STK32B: variants seen among roughly 807,000 people sequenced by gnomAD.
STK32B encodes serine/threonine kinase 32B, also known as serine/threonine-protein kinase 32B.
Under a neutral mutation model 52.6 loss-of-function variants are expected in STK32B, and 43 were observed. The observed-to-expected ratio is 0.82, with a 90% CI of 0.64 to 1.05. STK32B has a LOEUF of 1.05. STK32B is among the 50% of genes least tolerant of loss of function. The pLI is 0.00. For synonymous variants in STK32B, 238 were observed against 204.3 expected (o/e 1.17, Z -1.41); for missense variants, 621 against 534.6 (o/e 1.16, Z -1.59).
chr4:5,362,089 G>A (rs1734581979), intron 4 of STK32B, among the ~76,000 whole-genome samples: 1 of 152,084 alleles, frequency 6.6e-6, no homozygotes, highest in South Asian at 2.1e-4. Flanking sequence ...TAATGTATGA[G>A]AGACTTCATC....
At chr4:5,264,576 G>C (rs754359146) in intron 3 of STK32B, among the ~76,000 whole-genome samples, 7 of 151,944 alleles carry the variant, frequency 4.6e-5, no homozygotes, top group Admixed American at 1.3e-4. Context: ...CACGAGGTCG[G>C]GGGATCGAGA....
At chr4:5,384,029 G>A (rs1736094447) in intron 4 of STK32B, among the ~76,000 whole-genome samples, 1 of 152,174 alleles carries the variant, frequency 6.6e-6, no homozygotes, top group African/African-American at 2.4e-5. Context: ...GAGGGGTCCT[G>A]TGCACATCTA....
intron 3 of STK32B, among the ~76,000 whole-genome samples, chr4:5,277,568 AAAATCTCTTTTC>A (rs1237012325): frequency 1.3e-5 from 2 of 152,196 alleles, no homozygotes; most frequent in African/African-American, 4.8e-5. Flanking sequence ...ACATGCGGAT[AAAATCTCTTTTC>A]ACCTGCCTAC....
At chr4:5,193,358 C>G (rs986048524) in intron 3 of STK32B, among the ~76,000 whole-genome samples, 1 of 152,190 alleles carries the variant, frequency 6.6e-6, no homozygotes, top group Non-Finnish European at 1.5e-5. Context: ...GAACCGGTAC[C>G]TCAGCTTAGT....
Position 5,114,140 on chromosome 4 carries a change from AC to A in STK32B, c.53-25760del, listed in dbSNP as rs200599903. ...CCTCATCAGCATCATGTCTTCAACC[AC>A]CCCCATTCTCTCCAGGCCAGTCCCA... On this transcript the variant is annotated intron_variant, in intron 1 of 11. Transcript: ENST00000282908. 3.6e-3 allele frequency among the ~76,000 whole-genome samples: 546 copies of A among 150,360 alleles called. 2 individuals are homozygous for A. The highest frequency in any genetic ancestry group is 0.012 in the African/African-American group (509 of 40,786).
chr4:5,487,803 C>G (rs953081549), intron 11 of STK32B, among the ~76,000 whole-genome samples: 1 of 152,076 alleles, frequency 6.6e-6, no homozygotes, highest in East Asian at 1.9e-4. Flanking sequence ...GTGGAAAACA[C>G]CCCCTTCTTA....
chr4:5,084,882 A>G (rs1022293686), intron 1 of STK32B, among the ~76,000 whole-genome samples: 3 of 152,172 alleles, frequency 2.0e-5, no homozygotes, highest in Non-Finnish European at 2.9e-5. Flanking sequence ...TGTAATGATA[A>G]TCTGTAGGTT....
intron 1 of STK32B, among the ~76,000 whole-genome samples, chr4:5,066,285 C>G (rs1046629080): frequency 6.6e-6 from 1 of 152,104 alleles, no homozygotes; most frequent in Non-Finnish European, 1.5e-5. Context: ...GATTTTATCT[C>G]CTAAATAGCT....
chr4:5,390,051 C>CA (rs1736503206), intron 4 of STK32B, among the ~76,000 whole-genome samples: 1 of 152,230 alleles, frequency 6.6e-6, no homozygotes, highest in South Asian at 2.1e-4. Context: ...GGAAGGGACA[C>CA]AGCCGGTTTA....
intron 2 of STK32B, among the ~76,000 whole-genome samples, chr4:5,163,738 G>A (rs1718641637): frequency 6.6e-6 from 1 of 152,210 alleles, no homozygotes. Flanking sequence ...AGAGACCAGA[G>A]CAGAGGTGGG....
chr4:5,161,913 C>G (rs894932242), intron 2 of STK32B, among the ~76,000 whole-genome samples: 2 of 151,312 alleles, frequency 1.3e-5, no homozygotes, highest in Non-Finnish European at 2.9e-5. Context: ...TAATGTCACA[C>G]TGTAGCTGTT....
rs190097641 is a variant in STK32B, at chr4:5,373,769, C to G, written c.435-24438C>G. The stretch of plus-strand genomic sequence containing the variant: ...CTGATGCAGTCTTCTCTGCCATTCT[C>G]ACTCCACACAGCAAAGTGCTGTCTC... On this transcript the variant is annotated intron_variant, in intron 4 of 11. Coordinates refer to ENST00000282908, the MANE Select transcript of STK32B (RefSeq NM_018401.3). Among the ~76,000 whole-genome samples, 259 of 152,322 alleles carry G rather than the reference C, an allele frequency of 1.7e-3. 1 individual carries two copies. Among genetic ancestry groups the G allele is most frequent in the African/African-American group, 5.1e-3 (212 of 41,576 alleles).
chr4:5,446,855 C>A, intron 7 of STK32B, 79 bp downstream of exon 7: 1 of 1,442,052 alleles, frequency 6.9e-7, no homozygotes, highest in Non-Finnish European at 9.7e-7. Flanking sequence ...GCAGAGTCGG[C>A]AGGGCCCGCG....
At chr4:5,208,094 T>A (rs752753324) in intron 3 of STK32B, among the ~76,000 whole-genome samples, 1 of 152,214 alleles carries the variant, frequency 6.6e-6, no homozygotes, top group South Asian at 2.1e-4. Context: ...TATACTACAG[T>A]GTGTCCAGCC....
At chr4:5,374,387 T>C (rs995265413) in intron 4 of STK32B, among the ~76,000 whole-genome samples, 1 of 152,224 alleles carries the variant, frequency 6.6e-6, no homozygotes, top group Non-Finnish European at 1.5e-5. Flanking sequence ...AAAAAGACGC[T>C]TCACATCAGT....
intron 1 of STK32B, among the ~76,000 whole-genome samples, chr4:5,110,840 A>C (rs910596114): frequency 1.3e-5 from 2 of 152,194 alleles, no homozygotes; most frequent in Non-Finnish European, 2.9e-5. Flanking sequence ...ACAGAATGGG[A>C]GAAAATATTT....
At chr4:5,166,546 C>T (rs1021751558) in intron 2 of STK32B, among the ~76,000 whole-genome samples, 5 of 149,514 alleles carry the variant, frequency 3.3e-5, no homozygotes, top group East Asian at 2.0e-4. Flanking sequence ...GACACAGAGA[C>T]GTAGGGGAGG....
chr4:5,191,143 T>C (rs1397671321), intron 3 of STK32B, among the ~76,000 whole-genome samples: 1 of 152,202 alleles, frequency 6.6e-6, no homozygotes, highest in East Asian at 1.9e-4. Context: ...AAACTCTGGT[T>C]TTCCCTGGTT....
rs188025264 is a variant in STK32B at position 5,264,824 on chromosome 4, T to C, written c.261-66396T>C. On this transcript the variant is annotated intron_variant, in intron 3 of 11. Transcript: ENST00000282908. ...AAATTGTTGTGTTATACAAGTCCTT[T>C]ATATATTCCTGATGAAAGTTCTTTG... is the stretch of plus-strand genomic sequence containing the variant. Among the ~76,000 whole-genome samples, 101 of 152,298 alleles carry C rather than the reference T, an allele frequency of 6.6e-4. No individual in the cohort carries two copies. The Middle Eastern group carries it at 0.01, about 15-fold the overall frequency.
Sources: allele counts gnomAD v4.1 joint callset (sites outside exome capture counted in the v4.1 genomes callset), GRCh38; gene constraint gnomAD v4.1.1; transcripts MANE v1.5; gene names NCBI Gene and HGNC (gene_info 2026-07-23, HGNC 2026-07-21).